Variants in PLAGL2 observed in about 807,000 individuals in gnomAD.
PLAGL2 encodes the protein PLAG1 like zinc finger 2.
A neutral mutation model predicts 29.0 loss-of-function variants in PLAGL2; 7 were observed. The ratio of observed to expected loss-of-function variants is 0.24; its 90% CI spans 0.14 to 0.45. The LOEUF (loss-of-function observed/expected upper bound fraction) is 0.45, where lower values mean the gene tolerates loss of function less well. Ranked by LOEUF, PLAGL2 falls within the 20% of genes least tolerant of loss-of-function variation. PLAGL2 has a pLI of 0.99. For missense variants in PLAGL2, 454 were observed against 648.2 expected (o/e 0.70, Z 3.25); for synonymous variants, 234 against 266.0 (o/e 0.88, Z 1.17).
In PLAGL2 at chr20:32,197,748, C is replaced by G. The variant is rs2047238184; in HGVS notation, c.261-66G>C. ...GGGGAGATCACAAGGGATGACTGGA[C>G]AACCAAAGGTGTCCATTAACAGGAA... is the stretch of plus-strand genomic sequence containing the variant. On this transcript the variant is annotated intron_variant, in intron 2 of 2. Transcript: ENST00000246229. This position sits in a 1 kb window ranked among gnomAD's most constrained non-coding sequence, Gnocchi z 6.6. 1.5e-6 allele frequency: 2 copies of G among 1,353,872 alleles called. No individual in the cohort carries two copies. The highest frequency in any genetic ancestry group is 2.6e-5 in the South Asian group (2 of 76,450). 83.9% of individuals were successfully genotyped at this position (1,353,872 alleles called of 1,614,324 possible).
At position 32,197,696 on chromosome 20, in the gene PLAGL2, C is replaced by A; in HGVS notation, c.261-14G>T. 1.9e-6 allele frequency: 3 copies of A among 1,609,212 alleles called. 1 individual carries two copies. In the South Asian group the frequency reaches 3.3e-5, roughly 18 times the overall value. On this transcript the variant is annotated splice_polypyrimidine_tract_variant and intron_variant, in intron 2 of 2. Coordinates refer to ENST00000246229, the MANE Select transcript of PLAGL2 (RefSeq NM_002657.3). The surrounding 1 kb of genome is among the most constrained non-coding windows in gnomAD (Gnocchi z 6.6). ...GTGGCCATGTGCCTGGGGGTAGAGACAGGGGATAGGGGAGAAAGCAGAAAG... is the reference window on the plus strand; with the variant it reads ...GTGGCCATGTGCCTGGGGGTAGAGAAAGGGGATAGGGGAGAAAGCAGAAAG...
chr20:32,206,929 T>C (rs1377572136), intron 1 of PLAGL2, among the ~76,000 whole-genome samples: 2 of 152,024 alleles, frequency 1.3e-5, no homozygotes, highest in Non-Finnish European at 2.9e-5. Flanking sequence ...CATGAGCAAC[T>C]TTCCTGGGTC....
At chr20:32,200,558 G>A (rs185594265) in intron 2 of PLAGL2, among the ~76,000 whole-genome samples, 6 of 151,682 alleles carry the variant, frequency 4.0e-5, no homozygotes, top group Admixed American at 2.0e-4. Flanking sequence ...CAAGTTCATG[G>A]TTCCTCTAAT....
At chr20:32,206,262 C>T (rs557966497) in intron 1 of PLAGL2, among the ~76,000 whole-genome samples, 2 of 152,314 alleles carry the variant, frequency 1.3e-5, no homozygotes, top group South Asian at 2.1e-4. Context: ...CCTTCCCCCC[C>T]GCCCACTCCA....
chr20:32,200,151 C>T (rs369198436), intron 2 of PLAGL2, among the ~76,000 whole-genome samples: 1 of 152,266 alleles, frequency 6.6e-6, no homozygotes, highest in Non-Finnish European at 1.5e-5. Flanking sequence ...CCCCTTGCAC[C>T]GAGCACTGTG....
At chr20:32,201,588 A>C (rs994368493) in intron 2 of PLAGL2, among the ~76,000 whole-genome samples, 9 of 152,152 alleles carry the variant, frequency 5.9e-5, no homozygotes, top group Admixed American at 1.3e-4. Flanking sequence ...ATTTCTTAAA[A>C]AAACAAACAA....
intron 1 of PLAGL2, among the ~76,000 whole-genome samples, chr20:32,207,219 A>T (rs932700028): frequency 6.6e-6 from 1 of 152,110 alleles, no homozygotes; most frequent in African/African-American, 2.4e-5. Context: ...TGGAGCAGGA[A>T]AGGGGGTTAT....
intron 2 of PLAGL2, among the ~76,000 whole-genome samples, chr20:32,200,140 G>A (rs934856228): frequency 3.3e-5 from 5 of 152,336 alleles, no homozygotes; most frequent in African/African-American, 7.2e-5. Flanking sequence ...TCACTACTCC[G>A]CCCCTTGCAC....
intron 1 of PLAGL2, among the ~76,000 whole-genome samples, chr20:32,206,962 G>T (rs2047291419): frequency 6.6e-6 from 1 of 152,112 alleles, no homozygotes; most frequent in African/African-American, 2.4e-5. Flanking sequence ...CCACAAGAAT[G>T]AAATGGGGGA....
At chr20:32,203,539 G>A (rs2122546190) in intron 1 of PLAGL2, among the ~76,000 whole-genome samples, 1 of 152,320 alleles carries the variant, frequency 6.6e-6, no homozygotes, top group South Asian at 2.1e-4. Context: ...TGAAGAGATG[G>A]TGCCAAAATT....
rs1401092863 is a variant in PLAGL2 at position 32,197,081 on chromosome 20, C to T, written c.862G>A (p.Ala288Thr). The change falls in exon 3 of 3, where the codon GCC becomes ACC. Residue 288 changes from alanine to threonine, a missense_variant. This residue lies in a region of PLAGL2 where 247 missense variants were observed against 350.3 expected (regional missense o/e 0.71). Coordinates refer to ENST00000246229, the MANE Select transcript of PLAGL2 (RefSeq NM_002657.3). This position sits in a 1 kb window ranked among gnomAD's most constrained non-coding sequence, Gnocchi z 6.6. ...CCCATGGGCAACATGCCAGGGAAGG[C>T]CTTGGTCCCCATTACGTCCCGAGAG... ...MASRDVMGTKAFPGMLPMGMY... is the reference protein window; with the variant it reads ...MASRDVMGTKTFPGMLPMGMY... 4 of 1,614,042 alleles carry T rather than the reference C, an allele frequency of 2.5e-6. No homozygotes were observed. Among genetic ancestry groups the T allele is most frequent in the Non-Finnish European group, 1.7e-6 (2 of 1,180,034 alleles).
rs1427745303 is a variant in PLAGL2, at chr20:32,195,187, T to C, written c.*1265A>G. ...GAAGGGACATTGTGGATAAGGAAAA[T>C]TTTGGTTTGGGACACAACAATGTAC... On this transcript the variant is annotated 3_prime_UTR_variant, in exon 3 of 3. Coordinates refer to ENST00000246229, the MANE Select transcript of PLAGL2 (RefSeq NM_002657.3). 6.6e-6 allele frequency: 1 copy of C among 151,996 alleles called. No individual in the cohort carries two copies. The highest frequency in any genetic ancestry group is 2.4e-5 in the African/African-American group (1 of 41,366). The allele number at this position is 151,996 out of a possible 1,614,324, so 9.4% of individuals were successfully genotyped here. A position where few individuals can be genotyped will look rare whatever the true frequency, so the allele number is the denominator to read the frequency against.
intron 1 of PLAGL2, among the ~76,000 whole-genome samples, chr20:32,203,835 T>TGGG (rs2047272258): frequency 6.6e-6 from 1 of 152,206 alleles, no homozygotes; most frequent in Non-Finnish European, 1.5e-5. Context: ...CGATGTAATA[T>TGGG]GATAAACACG....
Position 32,197,748 on chromosome 20 carries a change from CA to C in PLAGL2, c.261-67del. 4 of 1,353,932 alleles carry C rather than the reference CA, an allele frequency of 3.0e-6. No homozygotes were observed. Among genetic ancestry groups the C allele is most frequent in the African/African-American group, 1.4e-5 (1 of 69,218 alleles). 83.9% of individuals were successfully genotyped at this position (1,353,932 alleles called of 1,614,324 possible). A position where few individuals can be genotyped will look rare whatever the true frequency, so the allele number is the denominator to read the frequency against. On this transcript the variant is annotated intron_variant, in intron 2 of 2. Coordinates refer to ENST00000246229, the MANE Select transcript of PLAGL2 (RefSeq NM_002657.3). This position sits in a 1 kb window ranked among gnomAD's most constrained non-coding sequence, Gnocchi z 6.6. ...GGGGAGATCACAAGGGATGACTGGA[CA>C]ACCAAAGGTGTCCATTAACAGGAAA...
chr20:32,201,891 C>A, intron 2 of PLAGL2, 28 bp downstream of exon 2: 1 of 1,593,558 alleles, frequency 6.3e-7, no homozygotes, highest in Non-Finnish European at 8.6e-7. Context: ...AACCTCAGGG[C>A]AGGAAGAGAT....
chr20:32,194,228 G>A lies in PLAGL2; in HGVS notation c.*2224C>T, dbSNP rs1305083052. 6.6e-6 allele frequency: 1 copy of A among 151,740 alleles called. No individual in the cohort carries two copies. Among genetic ancestry groups the A allele is most frequent in the Non-Finnish European group, 1.5e-5 (1 of 67,940 alleles). The allele number at this position is 151,740 out of a possible 1,614,324, so 9.4% of individuals were successfully genotyped here. ...GGAAGGTGGCAGTTAAGGTGAGAAG[G>A]GTTGCTGAGTCTAGTGATGAAAACC... On this transcript the variant is annotated 3_prime_UTR_variant, in exon 3 of 3. Coordinates refer to ENST00000246229, the MANE Select transcript of PLAGL2 (RefSeq NM_002657.3).
At position 32,202,304 on chromosome 20, in the gene PLAGL2, GAACAC is replaced by G; in HGVS notation, c.-114-17_-114-13del. The G allele has an allele frequency of 1.1e-6, 1 of 927,104 alleles. No individual in the cohort carries two copies. Among genetic ancestry groups the G allele is most frequent in the Non-Finnish European group, 1.6e-6 (1 of 609,568 alleles). The allele number at this position is 927,104 out of a possible 1,614,324, so 57.4% of individuals were successfully genotyped here. On this transcript the variant is annotated splice_polypyrimidine_tract_variant and intron_variant, in intron 1 of 2. Transcript: ENST00000246229. ...AACAATCTCTTCACCTGAAACATCA[GAACAC>G]CTGGTGTTAGGGAGCCCAATACCAT...
chr20:32,200,490 T>A (rs2047253459), intron 2 of PLAGL2, among the ~76,000 whole-genome samples: 1 of 152,182 alleles, frequency 6.6e-6, no homozygotes, highest in African/African-American at 2.4e-5. Context: ...CCTCCCAAAG[T>A]GCTGGGATTA....
At position 32,197,253 on chromosome 20, in the gene PLAGL2, A is replaced by T. The variant is rs1441589193; in HGVS notation, c.690T>A (p.Arg230=). 3 of 1,613,918 alleles carry T rather than the reference A, an allele frequency of 1.9e-6. No individual in the cohort carries two copies. In the Admixed American group the frequency reaches 5.0e-5, roughly 27 times the overall value. Residue 230 remains arginine (R), a synonymous_variant, in exon 3 of 3, where the codon CGT becomes CGA. Transcript: ENST00000246229. The surrounding 1 kb of genome is among the most constrained non-coding windows in gnomAD (Gnocchi z 6.6). The part of the protein sequence containing the change: ...LCQYCAQRFG[R]KDHLTRHVKK... Reference sequence around the variant, plus strand: ...TGACATGACGCGTCAGGTGGTCCTTACGGCCAAACCGCTGGGCACAGTACT... The same window carrying T: ...TGACATGACGCGTCAGGTGGTCCTTTCGGCCAAACCGCTGGGCACAGTACT...
Sources: gnomAD v4.1 joint callset for allele counts (sites outside exome capture counted in the v4.1 genomes callset) on GRCh38, gnomAD v4.1.1 for gene constraint, gnomAD v4.1.1 regional missense constraint, Gnocchi (gnomAD v3.1) non-coding constraint, MANE v1.5 for transcripts, NCBI Gene and HGNC (gene_info 2026-07-23, HGNC 2026-07-21) for gene names.